The following EXOC4 variants were observed in gnomAD, a reference collection of about 807,000 sequenced individuals.
The protein encoded by EXOC4 is exocyst complex component 4.
Under a neutral mutation model 107.2 loss-of-function variants are expected in EXOC4, and 71 were observed. That is an observed-to-expected ratio of 0.66 (90% CI 0.55 to 0.81). The LOEUF is 0.81. Among genes scored for constraint, EXOC4 ranks in the 30% least tolerant of loss-of-function variants. The pLI is 0.00. For missense variants in EXOC4, 1,108 were observed against 1,189.6 expected (o/e 0.93, Z 1.01); for synonymous variants, 456 against 441.2 (o/e 1.03, Z -0.42).
chr7:133,452,407 G>A (rs2150810382), intron 7 of EXOC4, among the ~76,000 whole-genome samples: 2 of 151,852 alleles, frequency 1.3e-5, no homozygotes, highest in Middle Eastern at 6.8e-3. Context: ...AGAAATACCA[G>A]GAAGTCTCCC....
At chr7:133,709,737 A>G (rs1481410514) in intron 10 of EXOC4, among the ~76,000 whole-genome samples, 1 of 150,060 alleles carries the variant, frequency 6.7e-6, no homozygotes, top group African/African-American at 2.5e-5. Context: ...CTTAATGCCA[A>G]TCTCTTACTA....
intron 6 of EXOC4, among the ~76,000 whole-genome samples, chr7:133,357,265 A>T (rs2150659889): frequency 6.6e-6 from 1 of 152,318 alleles, no homozygotes; most frequent in Non-Finnish European, 1.5e-5. Context: ...CAACTGTATG[A>T]CCTAGTTATT....
intron 14 of EXOC4, among the ~76,000 whole-genome samples, chr7:133,980,205 A>T (rs1467025841): frequency 6.6e-6 from 1 of 152,204 alleles, no homozygotes; most frequent in East Asian, 1.9e-4. Flanking sequence ...TTAATGGATT[A>T]ATGTATCATT....
At chr7:133,953,409 G>A (rs909437789) in intron 14 of EXOC4, among the ~76,000 whole-genome samples, 1 of 151,950 alleles carries the variant, frequency 6.6e-6, no homozygotes, top group African/African-American at 2.4e-5. Flanking sequence ...ACCAGACTGG[G>A]CAACACAGGG....
intron 2 of EXOC4, among the ~76,000 whole-genome samples, chr7:133,285,782 T>C (rs1794262424): frequency 6.6e-6 from 1 of 151,050 alleles, no homozygotes; most frequent in African/African-American, 2.4e-5. Flanking sequence ...TCAAAAGAGC[T>C]GGAGTCTTGC....
At chr7:133,942,279 T>C (rs2116749310) in intron 14 of EXOC4, among the ~76,000 whole-genome samples, 1 of 152,156 alleles carries the variant, frequency 6.6e-6, no homozygotes, top group African/African-American at 2.4e-5. Context: ...CTTTTTTTTT[T>C]TTAAGTGAAG....
intron 2 of EXOC4, among the ~76,000 whole-genome samples, chr7:133,280,515 AG>A (rs768197470): frequency 1.3e-5 from 2 of 152,216 alleles, no homozygotes; most frequent in Non-Finnish European, 2.9e-5. Context: ...TCACTGGAAC[AG>A]GGTAGGTTGA....
intron 10 of EXOC4, among the ~76,000 whole-genome samples, chr7:133,810,655 T>C (rs1049154241): frequency 2.9e-5 from 4 of 138,816 alleles, no homozygotes; most frequent in Admixed American, 6.9e-5. Context: ...ATTTTTTAGA[T>C]GGAGTCTTGC....
chr7:133,424,053 GCTCT>G lies in EXOC4; in HGVS notation c.1182+49054_1182+49057del, dbSNP rs1347299213. ...GCACTCTGTCAAAATGGACCAGTCA[GCTCT>G]CTGTAAAATGGACCAATCAGCTCTC... is the stretch of plus-strand genomic sequence containing the variant. On this transcript the variant is annotated intron_variant, in intron 7 of 17. Coordinates refer to ENST00000253861, the MANE Select transcript of EXOC4 (RefSeq NM_021807.4). Among the ~76,000 whole-genome samples, 65 of 152,102 alleles carry G rather than the reference GCTCT, an allele frequency of 4.3e-4. 1 individual carries two copies. Among genetic ancestry groups the G allele is most frequent in the Non-Finnish European group, 2.2e-4 (15 of 68,030 alleles).
intron 9 of EXOC4, among the ~76,000 whole-genome samples, chr7:133,562,742 G>A (rs561545540): frequency 5.3e-5 from 8 of 152,156 alleles, no homozygotes; most frequent in Non-Finnish European, 7.4e-5. Context: ...TATTGGGTTC[G>A]TGTATCATAC....
At chr7:134,023,460 AACT>A (rs2116435769) in intron 17 of EXOC4, among the ~76,000 whole-genome samples, 1 of 152,266 alleles carries the variant, frequency 6.6e-6, no homozygotes, top group Non-Finnish European at 1.5e-5. Context: ...TAATATTAAT[AACT>A]ACTATGAATT....
intron 14 of EXOC4, among the ~76,000 whole-genome samples, chr7:133,943,956 G>T (rs1370788772): frequency 6.6e-6 from 1 of 151,990 alleles, no homozygotes; most frequent in Non-Finnish European, 1.5e-5. Flanking sequence ...ATGTATCCAT[G>T]GTGGGGGTCC....
chr7:133,847,482 G>T (rs1041622668), intron 11 of EXOC4, among the ~76,000 whole-genome samples: 1 of 150,362 alleles, frequency 6.7e-6, no homozygotes, highest in Non-Finnish European at 1.5e-5. Context: ...GGGTTCAAGC[G>T]ATTGTCCTGC....
At chr7:133,815,047 C>G (rs1797332556) in intron 10 of EXOC4, among the ~76,000 whole-genome samples, 1 of 152,088 alleles carries the variant, frequency 6.6e-6, no homozygotes, top group African/African-American at 2.4e-5. Context: ...ACCATGCAAG[C>G]TGAAACCATG....
intron 7 of EXOC4, among the ~76,000 whole-genome samples, chr7:133,392,569 C>T (rs1796877363): frequency 6.6e-6 from 1 of 152,074 alleles, no homozygotes; most frequent in Non-Finnish European, 1.5e-5. Context: ...TTCCCCTCTT[C>T]CCCCAGGACT....
At position 133,817,476 on chromosome 7, in the gene EXOC4, G is replaced by C; in HGVS notation, c.1666G>C (p.Asp556His). The part of the protein sequence containing the change: ...KEIEGVTKTS[D>H]PLKILANADT... ...GATTGAAGGAGTCACTAAAACATCT[G>C]ACCCTTTGAAGATTCTGGCCAACGC... The change falls in exon 11 of 18, where the codon GAC (aspartate) becomes CAC (histidine). Residue 556 changes from aspartate (D) to histidine (H), a missense_variant. Transcript: ENST00000253861. The C allele has an allele frequency of 1.2e-6, 2 of 1,614,114 alleles. No individual in the cohort carries two copies. The highest frequency in any genetic ancestry group is 1.7e-6 in the Non-Finnish European group (2 of 1,180,008).
At chr7:133,708,381 A>G (rs1056070499) in intron 10 of EXOC4, among the ~76,000 whole-genome samples, 2 of 152,248 alleles carry the variant, frequency 1.3e-5, no homozygotes, top group African/African-American at 4.8e-5. Context: ...CCTAGTCCTA[A>G]TAAAAGAATT....
rs780319592 is a variant in EXOC4, at chr7:133,516,758, A to ATTTTTTTTTTTTTTTTTTTTTTT, written c.1417+36634_1417+36635insTTTTTTTTTTTTTTTTTTTTTTT. ...TGGGAAACTGCCAAACTAGCTGCTC[A>ATTTTTTTTTTTTTTTTTTTTTTT]TTTTTTTTTTTTTTACAGAATTTAT... On this transcript the variant is annotated intron_variant, in intron 9 of 17. Coordinates refer to ENST00000253861, the MANE Select transcript of EXOC4 (RefSeq NM_021807.4). Among the ~76,000 whole-genome samples, 182 of 49,032 alleles carry ATTTTTTTTTTTTTTTTTTTTTTT rather than the reference A, an allele frequency of 3.7e-3. 49 individuals are homozygous for ATTTTTTTTTTTTTTTTTTTTTTT. The highest frequency in any genetic ancestry group is 7.7e-3 in the African/African-American group (121 of 15,736). The allele number at this position is 49,032 out of a possible 152,430, so 32.2% of individuals were successfully genotyped here.
chr7:133,332,812 G>C (rs1371628074), intron 5 of EXOC4, among the ~76,000 whole-genome samples: 1 of 152,010 alleles, frequency 6.6e-6, no homozygotes, highest in African/African-American at 2.4e-5. Flanking sequence ...TGTGAGTCTT[G>C]CCCTTAATGG....
Sources: gnomAD v4.1 joint callset for allele counts (sites outside exome capture counted in the v4.1 genomes callset) on GRCh38, gnomAD v4.1.1 for gene constraint, MANE v1.5 for transcripts, NCBI Gene and HGNC (gene_info 2026-07-23, HGNC 2026-07-21) for gene names.